The following LAMP3 variants were observed in gnomAD, a reference collection of about 807,000 sequenced individuals.
The protein encoded by LAMP3 is lysosome-associated membrane glycoprotein 3.
Under a neutral mutation model 34.8 loss-of-function variants are expected in LAMP3, and 26 were observed. That is an observed-to-expected ratio of 0.75 (90% confidence interval 0.55 to 1.04). The LOEUF (loss-of-function observed/expected upper bound fraction) is 1.04. Among genes scored for constraint, LAMP3 ranks in the 50% least tolerant of loss-of-function variants. LAMP3 has a pLI of 0.00. For synonymous variants in LAMP3, 180 were observed against 201.9 expected (o/e 0.89, Z 0.92); for missense variants, 495 against 524.0 (o/e 0.94, Z 0.54).
chr3:183,132,282 GT>G (rs1028693200), intron 5 of LAMP3: 2 of 933,758 alleles, frequency 2.1e-6, no homozygotes, highest in Non-Finnish European at 2.6e-6. Context: ...AGTAGGATAT[GT>G]TTTTTTAAAA....
At position 183,153,935 on chromosome 3, in the gene LAMP3, G is replaced by C; in HGVS notation, c.506C>G (p.Pro169Arg). The change falls in exon 2 of 6, where the codon CCA (proline) becomes CGA (arginine). Residue 169 changes from proline to arginine, a missense_variant. Pro to Arg is a moderately radical substitution (Grantham distance 103). Coordinates refer to ENST00000265598, the MANE Select transcript of LAMP3 (RefSeq NM_014398.4). ...GTGCAGTGCTATCGATAAAGTTGCT[G>C]GAAGGGTGGTCTGGTTACTGGGTTG... ...TTQPSNQTTL[P>R]ATLSIALHKS... is the part of the protein sequence containing the mutation. 6.2e-7 allele frequency: 1 copy of C among 1,614,192 alleles called. No homozygotes were observed. The highest frequency in any genetic ancestry group is 8.5e-7 in the Non-Finnish European group (1 of 1,180,032).
chr3:183,157,406 T>C (rs1397820320), intron 1 of LAMP3, among the ~76,000 whole-genome samples: 1 of 152,226 alleles, frequency 6.6e-6, no homozygotes, highest in Non-Finnish European at 1.5e-5. Flanking sequence ...GAGATTATAA[T>C]GGAGGTTGAG....
At chr3:183,132,370 A>G (rs1719950944) in intron 5 of LAMP3, 4 of 963,396 alleles carry the variant, frequency 4.2e-6, no homozygotes, top group Non-Finnish European at 4.9e-6. Flanking sequence ...ATCATTTTGT[A>G]ATCAACTTTG....
At chr3:183,151,770 C>T (rs903919837) in intron 3 of LAMP3, among the ~76,000 whole-genome samples, 12 of 152,246 alleles carry the variant, frequency 7.9e-5, no homozygotes, top group African/African-American at 2.6e-4. Flanking sequence ...TCCTTTCCTC[C>T]ATTTTTCAAA....
chr3:183,124,142 A>T lies in LAMP3; in HGVS notation c.1190T>A (p.Met397Lys). Residue 397 changes from methionine to lysine, a missense_variant, in exon 6 of 6, where the codon ATG becomes AAG. By Grantham distance (95) the Met-to-Lys change is moderately conservative. Transcript: ENST00000265598. Reference protein sequence around the residue: ...IGAIVVGLCLMGMGVYKIRLR... With the variant: ...IGAIVVGLCLKGMGVYKIRLR... ...GCGGATTTTATAGACACCCATACCC[A>T]TAAGGCAGAGACCAACCACGATGGC... 6.2e-7 allele frequency: 1 copy of T among 1,613,162 alleles called. No homozygotes were observed. Among genetic ancestry groups the T allele is most frequent in the South Asian group, 1.1e-5 (1 of 90,890 alleles).
intron 5 of LAMP3, among the ~76,000 whole-genome samples, chr3:183,127,835 A>G (rs2108594660): frequency 6.6e-6 from 1 of 152,192 alleles, no homozygotes; most frequent in South Asian, 2.1e-4. Flanking sequence ...GTAGTCTTTA[A>G]AATGTGTTCT....
chr3:183,151,641 T>C (rs1170847621), intron 3 of LAMP3, among the ~76,000 whole-genome samples: 1 of 152,064 alleles, frequency 6.6e-6, no homozygotes, highest in Admixed American at 6.6e-5. Flanking sequence ...TTGGCCAGGC[T>C]GGTCTCGAAC....
At chr3:183,129,031 C>G (rs998722634) in intron 5 of LAMP3, among the ~76,000 whole-genome samples, 1 of 152,096 alleles carries the variant, frequency 6.6e-6, no homozygotes, top group Non-Finnish European at 1.5e-5. Context: ...TCAAAACAAA[C>G]AAACAAACAA....
intron 1 of LAMP3, among the ~76,000 whole-genome samples, chr3:183,161,671 G>C (rs907570095): frequency 6.6e-6 from 1 of 152,134 alleles, no homozygotes; most frequent in South Asian, 2.1e-4. Flanking sequence ...TTGCAGGTGT[G>C]AGCCACCACG....
At chr3:183,140,448 A>G in intron 4 of LAMP3, 90 bp downstream of exon 4, 1 of 607,500 alleles carries the variant, frequency 1.6e-6, no homozygotes, top group African/African-American at 1.9e-5. Context: ...AAGCAGCATC[A>G]AACATGAGAA....
chr3:183,160,294 T>C (rs1720939910), intron 1 of LAMP3, among the ~76,000 whole-genome samples: 2 of 152,348 alleles, frequency 1.3e-5, no homozygotes, highest in African/African-American at 2.4e-5. Context: ...AACTTTCTGA[T>C]GATTTTTGCT....
chr3:183,146,318 G>A (rs1013122131), intron 3 of LAMP3, among the ~76,000 whole-genome samples: 2 of 152,152 alleles, frequency 1.3e-5, no homozygotes, highest in Non-Finnish European at 2.9e-5. Flanking sequence ...TTGCTGTTGA[G>A]AAGTGCTGGT....
intron 5 of LAMP3, 118 bp downstream of exon 5, chr3:183,135,594 TCACAC>T: frequency 1.1e-6 from 1 of 945,328 alleles, no homozygotes; most frequent in Non-Finnish European, 1.6e-6. Context: ...CTATGTGGAA[TCACAC>T]CATCCCAGGA....
chr3:183,124,554 C>T (rs182593826), intron 5 of LAMP3, among the ~76,000 whole-genome samples: 4 of 152,238 alleles, frequency 2.6e-5, no homozygotes, highest in East Asian at 3.9e-4. Flanking sequence ...AGAGACCAGC[C>T]GGGCACAGTG....
chr3:183,140,671 T>A (rs985622815), intron 3 of LAMP3, 76 bp from the exon 4 acceptor site: 1 of 1,009,692 alleles, frequency 9.9e-7, no homozygotes, highest in Non-Finnish European at 1.6e-6. Context: ...AAACTTTGTT[T>A]AAGATTCCAG....
At chr3:183,160,643 G>T (rs1720949857) in intron 1 of LAMP3, among the ~76,000 whole-genome samples, 1 of 152,142 alleles carries the variant, frequency 6.6e-6, no homozygotes. Context: ...ATAGGGATAA[G>T]AATAGCACCT....
Position 183,143,118 on chromosome 3 carries a change from T to G in LAMP3, c.889-2523A>C, listed in dbSNP as rs949273508. Among the ~76,000 whole-genome samples, 7 of 151,384 alleles carry G rather than the reference T, an allele frequency of 4.6e-5. No homozygotes were observed. The East Asian group carries it at 9.7e-4, about 21-fold the overall frequency. ...GACTAGGACTAAGCTGATGTCTAGC[T>G]TTTTTTTTGAGTTGGGGTCTCCCTC... On this transcript the variant is annotated intron_variant, in intron 3 of 5. Transcript: ENST00000265598.
chr3:183,153,174 C>CAAAAA (rs750659929), intron 2 of LAMP3, among the ~76,000 whole-genome samples: 21 of 46,604 alleles, frequency 4.5e-4, no homozygotes, highest in East Asian at 1.2e-3. Context: ...GACTCCGTCT[C>CAAAAA]AAAAAAAAAA....
chr3:183,124,608 G>A (rs1213918389), intron 5 of LAMP3, among the ~76,000 whole-genome samples: 1 of 152,124 alleles, frequency 6.6e-6, no homozygotes, highest in African/African-American at 2.4e-5. Context: ...CGAGGCGGGC[G>A]GATCATCTGA....
Sources: allele counts gnomAD v4.1 joint callset (sites outside exome capture counted in the v4.1 genomes callset), GRCh38; gene constraint gnomAD v4.1.1; transcripts MANE v1.5; gene names NCBI Gene and HGNC (gene_info 2026-07-23, HGNC 2026-07-21).